Variants in TMEM117 observed in about 807,000 individuals in gnomAD.
TMEM117 encodes the protein transmembrane protein 117.
In TMEM117, 27 loss-of-function variants were observed where a neutral mutation model predicts 52.4. That is an observed-to-expected ratio of 0.51 (90% CI 0.38 to 0.71). TMEM117 has a LOEUF of 0.71. TMEM117 is among the 30% of genes least tolerant of loss of function. TMEM117 has a pLI of 0.00. For synonymous variants in TMEM117, 215 were observed against 206.3 expected (o/e 1.04, Z -0.36); for missense variants, 556 against 630.5 (o/e 0.88, Z 1.26).
At chr12:43,893,602 G>T (rs545670531) in intron 2 of TMEM117, among the ~76,000 whole-genome samples, 52 of 152,052 alleles carry the variant, frequency 3.4e-4, no homozygotes, top group African/African-American at 1.3e-3. Context: ...AATTCTCTTT[G>T]TGAAAAATCA....
intron 5 of TMEM117, among the ~76,000 whole-genome samples, chr12:44,273,177 C>T (rs1006151405): frequency 6.6e-6 from 1 of 151,748 alleles, no homozygotes; most frequent in Admixed American, 6.6e-5. Context: ...ACAATGAGAA[C>T]ACTTGGACAC....
intron 5 of TMEM117, among the ~76,000 whole-genome samples, chr12:44,279,515 CTTTTT>C (rs769225066): frequency 7.3e-6 from 1 of 137,258 alleles, no homozygotes; most frequent in African/African-American, 2.7e-5. Flanking sequence ...TTCTTTTCTT[CTTTTT>C]TTTTTTTTTT....
chr12:44,209,203 A>G (rs1447938896), intron 4 of TMEM117, among the ~76,000 whole-genome samples: 2 of 152,136 alleles, frequency 1.3e-5, no homozygotes, highest in Non-Finnish European at 2.9e-5. Context: ...AGCTCTTTTT[A>G]TACCTAAGAG....
chr12:44,252,993 A>G (rs1950214111), intron 5 of TMEM117, among the ~76,000 whole-genome samples: 1 of 152,204 alleles, frequency 6.6e-6, no homozygotes. Flanking sequence ...GAAAGGAGAA[A>G]GAGGAGAAAA....
At chr12:43,819,278 G>C in the TMEM117 span, among the ~76,000 whole-genome samples, 2 of 152,086 alleles carry the variant, frequency 1.3e-5, no homozygotes, top group Non-Finnish European at 2.9e-5. Context: ...GGCCTCCACC[G>C]GTCTTCAAGT....
At chr12:44,265,319 G>C (rs932947291) in intron 5 of TMEM117, among the ~76,000 whole-genome samples, 24 of 151,758 alleles carry the variant, frequency 1.6e-4, no homozygotes, top group Non-Finnish European at 1.5e-5. Flanking sequence ...CATGTAGTGG[G>C]GCTAAGGTAG....
intron 6 of TMEM117, among the ~76,000 whole-genome samples, chr12:44,355,250 A>G (rs561139168): frequency 6.6e-6 from 1 of 152,168 alleles, no homozygotes; most frequent in South Asian, 2.1e-4. Context: ...CTTTAGACTG[A>G]TCAAATTTGT....
chr12:44,202,634 G>C (rs1322238072), intron 4 of TMEM117, among the ~76,000 whole-genome samples: 1 of 152,084 alleles, frequency 6.6e-6, no homozygotes, highest in African/African-American at 2.4e-5. Context: ...CAAGGTTTTG[G>C]TATCACAATG....
At chr12:43,830,298 A>G in the TMEM117 span, among the ~76,000 whole-genome samples, 2 of 151,918 alleles carry the variant, frequency 1.3e-5, no homozygotes, top group Non-Finnish European at 2.9e-5. Context: ...CTCTGTTTGC[A>G]TGACTCCTTT....
chr12:44,058,283 A>G (rs1016923784), intron 3 of TMEM117, among the ~76,000 whole-genome samples: 3 of 152,154 alleles, frequency 2.0e-5, no homozygotes, highest in African/African-American at 4.8e-5. Flanking sequence ...ATCACAAGGG[A>G]TAGTCAAATC....
At chr12:43,890,550 T>G (rs1352808266) in intron 2 of TMEM117, among the ~76,000 whole-genome samples, 1 of 152,162 alleles carries the variant, frequency 6.6e-6, no homozygotes, top group Non-Finnish European at 1.5e-5. Flanking sequence ...TTTTTGTTTT[T>G]GAGACGGAGT....
chr12:44,196,467 A>C (rs1001849125), intron 4 of TMEM117, among the ~76,000 whole-genome samples: 1 of 152,210 alleles, frequency 6.6e-6, no homozygotes, highest in Non-Finnish European at 1.5e-5. Context: ...ATACAGAAAA[A>C]TATCAGAAAA....
intron 3 of TMEM117, among the ~76,000 whole-genome samples, chr12:44,111,085 A>G (rs1592526389): frequency 1.6e-4 from 1 of 6,108 alleles, no homozygotes; most frequent in Non-Finnish European, 2.5e-4. Flanking sequence ...TGTCTATTTG[A>G]TTCTTCTCTC....
chr12:43,858,876 C>T (rs547022960), intron 2 of TMEM117, among the ~76,000 whole-genome samples: 2 of 152,178 alleles, frequency 1.3e-5, no homozygotes, highest in African/African-American at 2.4e-5. Context: ...CAAGGGAAAG[C>T]ACCAGGTGCC....
At chr12:44,271,402 A>G (rs1300046321) in intron 5 of TMEM117, among the ~76,000 whole-genome samples, 2 of 152,076 alleles carry the variant, frequency 1.3e-5, no homozygotes, top group Non-Finnish European at 2.9e-5. Context: ...CAAAAAATAT[A>G]CATATAGGCC....
At chr12:43,917,713 CT>C (rs1944629151) in intron 2 of TMEM117, among the ~76,000 whole-genome samples, 1 of 152,044 alleles carries the variant, frequency 6.6e-6, no homozygotes, top group Non-Finnish European at 1.5e-5. Context: ...CAAACCAATT[CT>C]TTTATATGTG....
intron 3 of TMEM117, among the ~76,000 whole-genome samples, chr12:44,052,741 T>C (rs1378848003): frequency 2.0e-5 from 3 of 152,132 alleles, no homozygotes; most frequent in African/African-American, 7.2e-5. Context: ...CCCCACACAT[T>C]GTGTAATTGC....
At chr12:44,056,393 G>A (rs1947055751) in intron 3 of TMEM117, among the ~76,000 whole-genome samples, 3 of 152,146 alleles carry the variant, frequency 2.0e-5, no homozygotes. Flanking sequence ...ATTATGTTGG[G>A]AAAGGTGCTC....
chr12:44,143,015 T>A (rs1359644907), intron 3 of TMEM117, among the ~76,000 whole-genome samples: 2 of 152,232 alleles, frequency 1.3e-5, no homozygotes, highest in East Asian at 1.9e-4. Flanking sequence ...AATTTCATAC[T>A]GCTTTATTAT....
Sources: gnomAD v4.1 joint callset for allele counts (sites outside exome capture counted in the v4.1 genomes callset) on GRCh38, gnomAD v4.1.1 for gene constraint, MANE v1.5 for transcripts, NCBI Gene and HGNC (gene_info 2026-07-23, HGNC 2026-07-21) for gene names.